Variants in HTR2A observed in about 807,000 individuals in gnomAD.
HTR2A encodes the protein 5-HT2 receptor.
Under a neutral mutation model 31.0 loss-of-function variants are expected in HTR2A, and 14 were observed. The observed-to-expected ratio is 0.45, with a 90% CI of 0.30 to 0.71. The LOEUF is 0.71. HTR2A is among the 30% of genes least tolerant of loss of function. The probability of loss-of-function intolerance (pLI) is 0.09; values close to 1 mark genes in which losing one functional copy is unlikely to be tolerated. For missense variants in HTR2A, 442 were observed against 573.3 expected, an observed-to-expected ratio of 0.77 and a Z score of 2.34; for synonymous variants, 209 against 225.2, an observed-to-expected ratio of 0.93 and a Z score of 0.64.
chr13:46,889,063 A>G (rs73175528), intron 3 of HTR2A, among the ~76,000 whole-genome samples: 7,268 of 152,260 alleles, frequency 0.048, 190 homozygotes, highest in Middle Eastern at 0.082. Context: ...ACTCCAACTA[A>G]AAGACAAAGA....
chr13:46,847,491 A>G (rs1043035424), intron 3 of HTR2A, among the ~76,000 whole-genome samples: 7 of 152,354 alleles, frequency 4.6e-5, no homozygotes, highest in African/African-American at 1.7e-4. Flanking sequence ...TAAACTGGAT[A>G]GTGCCTGAGG....
intron 3 of HTR2A, among the ~76,000 whole-genome samples, chr13:46,844,736 A>C (rs1950627680): frequency 6.6e-6 from 1 of 152,242 alleles, no homozygotes; most frequent in Non-Finnish European, 1.5e-5. Context: ...TGGAATCACA[A>C]GACACAGGTT....
intron 3 of HTR2A, among the ~76,000 whole-genome samples, chr13:46,841,694 A>G (rs1473013785): frequency 6.6e-6 from 1 of 151,460 alleles, no homozygotes; most frequent in Non-Finnish European, 1.5e-5. Context: ...GTCTCCTCTG[A>G]CCCTCCTTCC....
chr13:46,834,742 C>T lies in HTR2A; in HGVS notation c.*95G>A. ...AGATATGATCGTTGGTTCCACTAGA[C>T]TTGTCTAATTTTTTCCAATCTCATA... On this transcript the variant is annotated 3_prime_UTR_variant, in exon 4 of 4. Transcript: ENST00000542664. 2 of 971,492 alleles carry T rather than the reference C, an allele frequency of 2.1e-6. No individual in the cohort carries two copies. Among genetic ancestry groups the T allele is most frequent in the Non-Finnish European group, 3.1e-6 (2 of 652,416 alleles). The allele number at this position is 971,492 out of a possible 1,614,324, so 60.2% of individuals were successfully genotyped here. A position where few individuals can be genotyped will look rare whatever the true frequency, so the allele number is the denominator to read the frequency against.
chr13:46,885,940 C>T (rs553217815), intron 3 of HTR2A, among the ~76,000 whole-genome samples: 23 of 152,306 alleles, frequency 1.5e-4, no homozygotes, highest in Admixed American at 3.9e-4. Context: ...TCCTTTTCCT[C>T]TTTTTAAATA....
intron 3 of HTR2A, among the ~76,000 whole-genome samples, chr13:46,847,960 A>G (rs1297198193): frequency 6.6e-6 from 1 of 152,102 alleles, no homozygotes; most frequent in East Asian, 1.9e-4. Flanking sequence ...ACTGTTTCCT[A>G]GAGCTTCTAG....
chr13:46,868,143 G>A (rs999930355), intron 3 of HTR2A, among the ~76,000 whole-genome samples: 1 of 152,194 alleles, frequency 6.6e-6, no homozygotes, highest in Non-Finnish European at 1.5e-5. Context: ...TTTCTGAAGC[G>A]ATAGGAATAC....
chr13:46,852,968 G>T (rs1403289003), intron 3 of HTR2A, among the ~76,000 whole-genome samples: 12 of 147,682 alleles, frequency 8.1e-5, no homozygotes, highest in African/African-American at 2.7e-4. Flanking sequence ...TAGTTCTAGG[G>T]CTTTTTTTTT....
In HTR2A at chr13:46,895,724, G is replaced by A. The variant is rs367862184; in HGVS notation, c.183C>T (p.Leu61=). Residue 61 remains leucine (L), a synonymous_variant, in exon 2 of 4, where the codon CTC becomes CTT. Coordinates refer to ENST00000542664, the MANE Select transcript of HTR2A (RefSeq NM_000621.5). This position sits in a 1 kb window ranked among gnomAD's most constrained non-coding sequence, Gnocchi z 4.4. The stretch of plus-strand genomic sequence containing the variant: ...GAAGTAAGGAGAGACACGACGGTGA[G>A]AGGCACCCTTCACAGGAAAGGTTGG... ...NRTNLSCEGC[L]SPSCLSLLHL... is the part of the protein sequence containing the mutation. The A allele has an allele frequency of 3.7e-6, 6 of 1,614,172 alleles. No individual in the cohort carries two copies. In the African/African-American group the frequency reaches 6.7e-5, roughly 18 times the overall value.
chr13:46,842,190 G>A (rs1262194575), intron 3 of HTR2A, among the ~76,000 whole-genome samples: 1 of 152,066 alleles, frequency 6.6e-6, no homozygotes, highest in East Asian at 1.9e-4. Context: ...CTTTTTTAAT[G>A]AGTGGATATT....
rs544183589 is a variant in HTR2A at position 46,852,433 on chromosome 13, T to C, written c.614-16794A>G. Among the ~76,000 whole-genome samples, 20 of 152,256 alleles carry C rather than the reference T, an allele frequency of 1.3e-4. No homozygotes were observed. The South Asian group carries it at 1.9e-3, about 14-fold the overall frequency. Reference sequence around the variant, plus strand: ...GCTGGCCACGTCTGCTTACACAGAGTGCTACCCTCTTCCCACTGCGGTAAC... The same window carrying C: ...GCTGGCCACGTCTGCTTACACAGAGCGCTACCCTCTTCCCACTGCGGTAAC... On this transcript the variant is annotated intron_variant, in intron 3 of 3. Coordinates refer to ENST00000542664, the MANE Select transcript of HTR2A (RefSeq NM_000621.5).
chr13:46,862,878 T>A (rs1375859191), intron 3 of HTR2A, among the ~76,000 whole-genome samples: 1 of 152,248 alleles, frequency 6.6e-6, no homozygotes, highest in African/African-American at 2.4e-5. Context: ...ATGCTTAGAC[T>A]CTTCAGGCAC....
intron 3 of HTR2A, among the ~76,000 whole-genome samples, chr13:46,854,920 G>T (rs1044288997): frequency 6.6e-6 from 1 of 152,152 alleles, no homozygotes; most frequent in African/African-American, 2.4e-5. Context: ...TCATTAGGGT[G>T]GGCCCTAATC....
At chr13:46,837,786 T>C (rs1950571724) in intron 3 of HTR2A, among the ~76,000 whole-genome samples, 1 of 152,208 alleles carries the variant, frequency 6.6e-6, no homozygotes, top group African/African-American at 2.4e-5. Flanking sequence ...GAACGCTGAG[T>C]TGATGTAATA....
At chr13:46,853,424 C>T (rs1365217577) in intron 3 of HTR2A, among the ~76,000 whole-genome samples, 10 of 152,338 alleles carry the variant, frequency 6.6e-5, no homozygotes. Flanking sequence ...TCTTCCCTTG[C>T]TGTGTGCTCT....
Position 46,881,245 on chromosome 13 carries a change from G to T in HTR2A, c.613+11145C>A, listed in dbSNP as rs1338338747. Among the ~76,000 whole-genome samples, 3 of 152,194 alleles carry T rather than the reference G, an allele frequency of 2.0e-5. No homozygotes were observed. In the East Asian group the frequency reaches 5.8e-4, roughly 29 times the overall value. Reference sequence around the variant, plus strand: ...AGGGTCACTGCACTCAGGGACAAGAGAAGGGGTGGGCCAAGTGGTGGCCCT... The same window carrying T: ...AGGGTCACTGCACTCAGGGACAAGATAAGGGGTGGGCCAAGTGGTGGCCCT... On this transcript the variant is annotated intron_variant, in intron 3 of 3. Transcript: ENST00000542664.
At chr13:46,836,191 A>T (rs967855474) in intron 3 of HTR2A, among the ~76,000 whole-genome samples, 11 of 109,386 alleles carry the variant, frequency 1.0e-4, no homozygotes, top group African/African-American at 3.8e-4. Flanking sequence ...TATCTTTTTT[A>T]AAAAATCTAA....
At chr13:46,857,228 G>A (rs9526239) in intron 3 of HTR2A, among the ~76,000 whole-genome samples, 50,540 of 151,198 alleles carry the variant, frequency 0.33, 9,324 homozygotes, top group East Asian at 0.61. Context: ...GAACCTGAGA[G>A]GCGGAGGTTT....
At chr13:46,873,462 T>TATTATA (rs1167257504) in intron 3 of HTR2A, among the ~76,000 whole-genome samples, 1 of 143,202 alleles carries the variant, frequency 7.0e-6, no homozygotes, top group African/African-American at 2.6e-5. Flanking sequence ...TTATTATTAT[T>TATTATA]ATACTTTAAG....
Sources: gnomAD v4.1 joint callset for allele counts (sites outside exome capture counted in the v4.1 genomes callset) on GRCh38, gnomAD v4.1.1 for gene constraint, Gnocchi (gnomAD v3.1) non-coding constraint, MANE v1.5 for transcripts, NCBI Gene and HGNC (gene_info 2026-07-23, HGNC 2026-07-21) for gene names.